The following RPS6KC1 variants were observed in gnomAD, a reference collection of about 807,000 sequenced individuals.
RPS6KC1 encodes the protein inactive ribosomal protein S6 kinase delta-1.
RPS6KC1 carries 54 observed loss-of-function variants against 103.8 expected under a neutral mutation model. The observed-to-expected ratio is 0.52, with a 90% CI of 0.42 to 0.65. RPS6KC1 has a LOEUF of 0.65. Ranked by LOEUF, RPS6KC1 falls within the 30% of genes least tolerant of loss-of-function variation. The pLI is 0.00. For missense variants in RPS6KC1, 1,151 were observed against 1,253.8 expected (o/e 0.92, Z 1.24); for synonymous variants, 439 against 438.7 (o/e 1.00, Z -0.01).
chr1:213,306,556 G>C, the RPS6KC1 span, among the ~76,000 whole-genome samples: 1,970 of 152,272 alleles, frequency 0.013, 46 homozygotes, highest in African/African-American at 0.043. Flanking sequence ...GGAGCTCAAG[G>C]TAACCCAGGA....
the RPS6KC1 span, among the ~76,000 whole-genome samples, chr1:213,680,668 G>A: frequency 1.3e-5 from 2 of 152,136 alleles, no homozygotes; most frequent in South Asian, 2.1e-4. Context: ...CTCGGGAGGG[G>A]GAAGGAGGGA....
At chr1:213,798,301 C>T in the RPS6KC1 span, among the ~76,000 whole-genome samples, 21,979 of 152,202 alleles carry the variant, frequency 0.14, 2,372 homozygotes, top group African/African-American at 0.3. Context: ...AAAGTGAAGT[C>T]GCATGACACC....
the RPS6KC1 span, among the ~76,000 whole-genome samples, chr1:213,753,539 C>T: frequency 6.6e-6 from 1 of 152,166 alleles, no homozygotes; most frequent in Admixed American, 6.5e-5. Flanking sequence ...ACCTTCATTC[C>T]ATCACAGAAC....
At chr1:213,477,949 A>G in the RPS6KC1 span, among the ~76,000 whole-genome samples, 1 of 152,160 alleles carries the variant, frequency 6.6e-6, no homozygotes, top group Non-Finnish European at 1.5e-5. Flanking sequence ...GTTTGGACAA[A>G]TGTATAACAT....
chr1:213,427,760 T>C, the RPS6KC1 span, among the ~76,000 whole-genome samples: 1 of 152,188 alleles, frequency 6.6e-6, no homozygotes, highest in South Asian at 2.1e-4. Flanking sequence ...TTCCAAATGT[T>C]CTCGTGTTAG....
chr1:213,618,771 A>G, the RPS6KC1 span, among the ~76,000 whole-genome samples: 1 of 152,220 alleles, frequency 6.6e-6, no homozygotes, highest in Admixed American at 6.5e-5. Context: ...GCAGGGGAAA[A>G]TGCATGAAGT....
the RPS6KC1 span, among the ~76,000 whole-genome samples, chr1:213,482,749 A>G: frequency 1.3e-5 from 2 of 151,772 alleles, no homozygotes; most frequent in Non-Finnish European, 2.9e-5. Context: ...GGGTTTCACC[A>G]TGTTGGCCAG....
chr1:213,242,116 G>T lies in RPS6KC1; in HGVS notation c.2640G>T (p.Lys880Asn), dbSNP rs767587139. Residue 880 changes from lysine to asparagine, a missense_variant, in exon 11 of 15, where the codon AAG (lysine) becomes AAT (asparagine). Coordinates refer to ENST00000366960, the MANE Select transcript of RPS6KC1 (RefSeq NM_012424.6). Reference protein sequence around the residue: ...GESGLVLEGDKEIHQIFEDLD... With the variant: ...GESGLVLEGDNEIHQIFEDLD... ...GTGGTTTAGTGCTAGAAGGAGACAA[G>T]GAAATACATCAGATTTTTGAGGACC... 2.7e-5 allele frequency: 43 copies of T among 1,613,678 alleles called. No homozygotes were observed. Among genetic ancestry groups the T allele is most frequent in the Non-Finnish European group, 3.5e-5 (41 of 1,179,814 alleles).
intron 6 of RPS6KC1, among the ~76,000 whole-genome samples, chr1:213,146,514 C>T (rs968937594): frequency 4.0e-5 from 6 of 151,654 alleles, no homozygotes; most frequent in Non-Finnish European, 8.8e-5. Context: ...CCTCCACCTC[C>T]TGGGTTCAAA....
At chr1:213,207,900 A>G (rs1332551019) in intron 8 of RPS6KC1, among the ~76,000 whole-genome samples, 1 of 152,002 alleles carries the variant, frequency 6.6e-6, no homozygotes. Flanking sequence ...CTTGAACGCC[A>G]TACGTCAAGT....
downstream of RPS6KC1, among the ~76,000 whole-genome samples, chr1:213,275,006 GTC>G (rs148685311): frequency 6.8e-4 from 103 of 152,200 alleles, no homozygotes; most frequent in African/African-American, 2.4e-3. Context: ...TCCACTTTCT[GTC>G]TCTATGAATT....
At chr1:213,695,915 G>C in the RPS6KC1 span, among the ~76,000 whole-genome samples, 1 of 152,178 alleles carries the variant, frequency 6.6e-6, no homozygotes, top group South Asian at 2.1e-4. Flanking sequence ...ATTAAGTAAA[G>C]CATACAACCT....
At chr1:213,707,213 G>T in the RPS6KC1 span, among the ~76,000 whole-genome samples, 4 of 152,114 alleles carry the variant, frequency 2.6e-5, no homozygotes, top group South Asian at 8.3e-4. Flanking sequence ...AGCATCTGTT[G>T]TTTCCGGACT....
At chr1:213,632,313 C>T in the RPS6KC1 span, among the ~76,000 whole-genome samples, 1 of 152,134 alleles carries the variant, frequency 6.6e-6, no homozygotes. Flanking sequence ...AGGAACAGCT[C>T]CAGTCTGCAG....
chr1:213,359,045 G>A, the RPS6KC1 span, among the ~76,000 whole-genome samples: 14 of 152,214 alleles, frequency 9.2e-5, no homozygotes, highest in Admixed American at 8.5e-4. Flanking sequence ...GATTAGGGGT[G>A]GAGAGTTCTG....
chr1:213,584,052 G>A, the RPS6KC1 span, among the ~76,000 whole-genome samples: 1 of 151,918 alleles, frequency 6.6e-6, no homozygotes, highest in Non-Finnish European at 1.5e-5. Context: ...ATCATGGGGT[G>A]GTTTCCCCCA....
chr1:213,420,710 T>A, the RPS6KC1 span, among the ~76,000 whole-genome samples: 1 of 152,156 alleles, frequency 6.6e-6, no homozygotes, highest in East Asian at 1.9e-4. Context: ...CAATTTCCCT[T>A]GGTTGACCCC....
At chr1:213,780,505 C>T in the RPS6KC1 span, among the ~76,000 whole-genome samples, 3 of 152,238 alleles carry the variant, frequency 2.0e-5, no homozygotes, top group Non-Finnish European at 2.9e-5. Context: ...CTTTACAACC[C>T]GATTATATTA....
At chr1:213,341,087 T>C in the RPS6KC1 span, among the ~76,000 whole-genome samples, 1 of 152,182 alleles carries the variant, frequency 6.6e-6, no homozygotes, top group Non-Finnish European at 1.5e-5. Flanking sequence ...ACAGCAGATA[T>C]AAAACCATCA....
Sources: allele counts gnomAD v4.1 joint callset (sites outside exome capture counted in the v4.1 genomes callset), GRCh38; gene constraint gnomAD v4.1.1; transcripts MANE v1.5; gene names NCBI Gene and HGNC (gene_info 2026-07-23, HGNC 2026-07-21).